ZNF761: variants seen among roughly 807,000 people sequenced by gnomAD.
The protein encoded by ZNF761 is zinc finger protein 761.
ZNF761 carries 43 observed loss-of-function variants against 59.9 expected under a neutral mutation model. The ratio of observed to expected loss-of-function variants is 0.72; its 90% CI spans 0.56 to 0.92. The LOEUF (loss-of-function observed/expected upper bound fraction) is 0.92, where lower values mean the gene tolerates loss of function less well. Ranked by LOEUF, ZNF761 falls within the 40% of genes least tolerant of loss-of-function variation. The pLI, the probability that ZNF761 is intolerant of heterozygous loss-of-function variation, is 0.00. For synonymous variants in ZNF761, 294 were observed against 304.8 expected, an observed-to-expected ratio of 0.96 and a Z score of 0.37; for missense variants, 850 against 906.1, an observed-to-expected ratio of 0.94 and a Z score of 0.79.
intron 4 of ZNF761, among the ~76,000 whole-genome samples, 197 bp from the exon 5 acceptor site, chr19:53,454,453 C>G (rs957779693): frequency 6.6e-6 from 1 of 152,156 alleles, no homozygotes; most frequent in South Asian, 2.1e-4. Context: ...TGGAAATAGA[C>G]TTCCGTAAAA....
chr19:53,446,380 T>A (rs1426601163), intron 2 of ZNF761, 43 bp downstream of exon 2: 1 of 151,910 alleles, frequency 6.6e-6, no homozygotes, highest in Non-Finnish European at 1.5e-5. Context: ...TTTTTATTTT[T>A]ATATATTTTT....
rs1470308326 is a variant in ZNF761 at position 53,454,663 on chromosome 19, A to T, written c.156A>T (p.Lys52Asn). The T allele has an allele frequency of 1.3e-6, 2 of 1,595,376 alleles. No homozygotes were observed. Among genetic ancestry groups the T allele is most frequent in the East Asian group, 2.2e-5 (1 of 44,650 alleles). ...RNLVSLDISS[K>N]CTMKEFLSTA... ...TATGTTTTGTAGATATCTCTTCCAA[A>T]TGCACGATGAAGGAGTTCTTGTCAA... Residue 52 changes from lysine to asparagine, a missense_variant, in exon 5 of 5, where the codon AAA becomes AAT. Transcript: ENST00000684525.
rs755525755 is a variant in ZNF761 at position 53,455,217 on chromosome 19, A to G, written c.710A>G (p.His237Arg). ...SSLLRKHQII[H>R]LADKYKCDVC... ...CTCTTAAGGAAACATCAGATAATCC[A>G]TTTAGCAGACAAATATAAATGTGAT... Residue 237 changes from histidine (H) to arginine (R), a missense_variant, in exon 5 of 5, where the codon CAT becomes CGT. His to Arg is a conservative substitution (Grantham distance 29). Coordinates refer to ENST00000684525, the MANE Select transcript of ZNF761 (RefSeq NM_001289951.2). 2 of 1,614,214 alleles carry G rather than the reference A, an allele frequency of 1.2e-6. No homozygotes were observed. The highest frequency in any genetic ancestry group is 1.7e-5 in the Admixed American group (1 of 60,024).
intron 4 of ZNF761, 137 bp from the exon 5 acceptor site, chr19:53,454,513 C>A (rs2086246490): frequency 2.4e-6 from 2 of 842,550 alleles, no homozygotes; most frequent in Non-Finnish European, 3.5e-6. Context: ...GAATCTTATG[C>A]TTTTCTGTTC....
chr19:53,448,815 C>T (rs1409394017), intron 3 of ZNF761, among the ~76,000 whole-genome samples: 2 of 149,926 alleles, frequency 1.3e-5, no homozygotes, highest in Non-Finnish European at 3.0e-5. Flanking sequence ...CTCTGTTGCC[C>T]AGGCTGGAGT....
chr19:53,444,633 C>T (rs1166729983), intron 1 of ZNF761: 2 of 152,238 alleles, frequency 1.3e-5, no homozygotes, highest in Non-Finnish European at 2.9e-5. Flanking sequence ...CCTCCGTATG[C>T]TGAGCGCCGG....
chr19:53,449,878 G>T (rs1231791785), intron 4 of ZNF761: 13 of 866,192 alleles, frequency 1.5e-5, no homozygotes, highest in Middle Eastern at 3.6e-4. Context: ...TTTCTTTCCA[G>T]ACAGGGTCTT....
At chr19:53,440,677 T>G (rs1446359245) in intron 1 of ZNF761, among the ~76,000 whole-genome samples, 2 of 133,756 alleles carry the variant, frequency 1.5e-5, no homozygotes, top group Non-Finnish European at 3.2e-5. Context: ...TTTAATTAAA[T>G]TAATTAATAA....
At chr19:53,436,578 T>C (rs1270527638) in intron 1 of ZNF761, among the ~76,000 whole-genome samples, 10 of 152,226 alleles carry the variant, frequency 6.6e-5, no homozygotes, top group Non-Finnish European at 2.9e-5. Context: ...CAGTAGCTGC[T>C]TGAGTGTCCA....
intron 1 of ZNF761, chr19:53,444,992 T>C (rs942638081): frequency 2.6e-5 from 4 of 151,310 alleles, no homozygotes; most frequent in African/African-American, 9.9e-5. Context: ...TCTTTTTTTT[T>C]TTTTTCAGAT....
At chr19:53,450,676 C>T (rs913262876) in intron 4 of ZNF761, among the ~76,000 whole-genome samples, 1 of 152,098 alleles carries the variant, frequency 6.6e-6, no homozygotes, top group Admixed American at 6.5e-5. Context: ...ACGATCTTGG[C>T]TCACCGCAGC....
chr19:53,433,461 C>CAGCGTTATATTGTAACTGTTCTCT (rs1482125258), intron 1 of ZNF761, among the ~76,000 whole-genome samples: 2 of 143,490 alleles, frequency 1.4e-5, no homozygotes, highest in South Asian at 2.2e-4. Flanking sequence ...TCGACTTCGC[C>CAGCGTTATATTGTAACTGTTCTCT]AAGTCGAGCT....
intron 2 of ZNF761, 81 bp from the exon 3 acceptor site, chr19:53,447,115 G>A: frequency 1.1e-6 from 1 of 872,222 alleles, no homozygotes; most frequent in Non-Finnish European, 1.7e-6. Flanking sequence ...CCAGGGTGAG[G>A]TCGCCTTTGT....
intron 3 of ZNF761, among the ~76,000 whole-genome samples, chr19:53,447,547 T>A (rs751361751): frequency 7.9e-5 from 12 of 151,960 alleles, no homozygotes; most frequent in Non-Finnish European, 1.0e-4. Flanking sequence ...GAGGGTCCCA[T>A]GGTGTCAGTG....
intron 4 of ZNF761, among the ~76,000 whole-genome samples, chr19:53,453,596 C>T (rs1568814350): frequency 1.3e-5 from 2 of 152,186 alleles, no homozygotes; most frequent in South Asian, 2.1e-4. Flanking sequence ...CACAGTGCCA[C>T]CAGATGCTGT....
chr19:53,440,522 G>T (rs1357669521), intron 1 of ZNF761, among the ~76,000 whole-genome samples: 1 of 152,066 alleles, frequency 6.6e-6, no homozygotes, highest in Non-Finnish European at 1.5e-5. Context: ...TTGGCATAGA[G>T]GTCAGCTTCC....
chr19:53,436,092 G>A (rs2086039098), intron 1 of ZNF761, among the ~76,000 whole-genome samples: 1 of 152,122 alleles, frequency 6.6e-6, no homozygotes, highest in African/African-American at 2.4e-5. Context: ...CGGCTGAGTT[G>A]GATGATCTGG....
chr19:53,456,862 C>A lies in ZNF761; in HGVS notation c.*114C>A. 2 of 1,211,670 alleles carry A rather than the reference C, an allele frequency of 1.7e-6. No homozygotes were observed. The highest frequency in any genetic ancestry group is 2.4e-6 in the Non-Finnish European group (2 of 843,628). The allele number at this position is 1,211,670 out of a possible 1,614,324, so 75.1% of individuals were successfully genotyped here. ...TGTGATAAAGTTTACAGTGGCAAAT[C>A]AAGCCTCAGAAGACAGGAGAATTCA... On this transcript the variant is annotated 3_prime_UTR_variant, in exon 5 of 5. Transcript: ENST00000684525.
chr19:53,439,232 C>T (rs1464161258), intron 1 of ZNF761, among the ~76,000 whole-genome samples: 5 of 146,578 alleles, frequency 3.4e-5, no homozygotes, highest in Non-Finnish European at 5.9e-5. Context: ...GATCGTGCCA[C>T]TACACTCTAG....
Sources: gnomAD v4.1 joint callset for allele counts (sites outside exome capture counted in the v4.1 genomes callset) on GRCh38, gnomAD v4.1.1 for gene constraint, MANE v1.5 for transcripts, NCBI Gene and HGNC (gene_info 2026-07-23, HGNC 2026-07-21) for gene names.